The following SLC8A1 variants were observed in gnomAD, a reference collection of about 807,000 sequenced individuals.
The protein encoded by SLC8A1 is solute carrier family 8 member A1.
SLC8A1 carries 18 observed loss-of-function variants against 68.3 expected under a neutral mutation model. The ratio of observed to expected loss-of-function variants is 0.26; its 90% CI spans 0.18 to 0.39. SLC8A1 has a LOEUF of 0.39. Ranked by LOEUF, SLC8A1 falls within the 10% of genes least tolerant of loss-of-function variation. SLC8A1 has a pLI of 1.00. For synonymous variants in SLC8A1, 475 were observed against 415.5 expected (o/e 1.14, Z -1.74); for missense variants, 985 against 1,156.7 (o/e 0.85, Z 2.15).
intron 2 of SLC8A1, among the ~76,000 whole-genome samples, chr2:40,414,192 C>A (rs1426415175): frequency 6.6e-6 from 1 of 152,150 alleles, no homozygotes; most frequent in African/African-American, 2.4e-5. Flanking sequence ...GTATTATTTG[C>A]TGTCTCTCAT....
chr2:40,300,463 T>C (rs948857464), intron 2 of SLC8A1, among the ~76,000 whole-genome samples: 2 of 152,198 alleles, frequency 1.3e-5, no homozygotes, highest in African/African-American at 4.8e-5. Flanking sequence ...AAAGACATTC[T>C]ACATTTCTTA....
Position 40,418,936 on chromosome 2 carries a change from A to G in SLC8A1, c.1808+9537T>C, listed in dbSNP as rs145479467. Among the ~76,000 whole-genome samples the G allele has an allele frequency of 2.0e-3, 303 of 152,312 alleles. 2 individuals carry two copies. The highest frequency in any genetic ancestry group is 6.8e-3 in the African/African-American group (283 of 41,580). The stretch of plus-strand genomic sequence containing the variant: ...CAACACTGACAGCTCATCATCATTT[A>G]TTCTCAGCCTAAACACCAGTGGCAA... On this transcript the variant is annotated intron_variant, in intron 2 of 7. Coordinates refer to ENST00000406785, the Ensembl canonical transcript of SLC8A1.
intron 2 of SLC8A1, among the ~76,000 whole-genome samples, chr2:40,187,836 G>A (rs2050979616): frequency 6.6e-6 from 1 of 152,164 alleles, no homozygotes; most frequent in Non-Finnish European, 1.5e-5. Flanking sequence ...AGGTTTCAGA[G>A]AAGATCAGGT....
intron 2 of SLC8A1, among the ~76,000 whole-genome samples, chr2:40,237,726 C>G (rs1421246805): frequency 1.3e-5 from 2 of 151,974 alleles, no homozygotes; most frequent in African/African-American, 4.8e-5. Flanking sequence ...TTTTCCCCAT[C>G]TTTGTGGTTT....
intron 2 of SLC8A1, among the ~76,000 whole-genome samples, chr2:40,223,416 G>C (rs2058592513): frequency 6.6e-6 from 1 of 152,088 alleles, no homozygotes; most frequent in African/African-American, 2.4e-5. Context: ...ACCTAATGCA[G>C]ATGACGGGTT....
At chr2:40,217,532 C>G (rs1181844650) in intron 2 of SLC8A1, among the ~76,000 whole-genome samples, 1 of 152,082 alleles carries the variant, frequency 6.6e-6, no homozygotes, top group Non-Finnish European at 1.5e-5. Flanking sequence ...GGTTTTCTTT[C>G]TGTTGTTGTT....
At chr2:40,420,613 C>T (rs917841706) in intron 2 of SLC8A1, among the ~76,000 whole-genome samples, 1 of 152,170 alleles carries the variant, frequency 6.6e-6, no homozygotes, top group South Asian at 2.1e-4. Context: ...CATTCCCTTG[C>T]CTCTCAAACT....
At chr2:40,459,293 G>C (rs1322216511) in intron 1 of SLC8A1, among the ~76,000 whole-genome samples, 6 of 152,188 alleles carry the variant, frequency 3.9e-5, no homozygotes, top group Non-Finnish European at 8.8e-5. Flanking sequence ...GCAGAGACTT[G>C]AATTAAGATT....
intron 2 of SLC8A1, chr2:40,251,093 C>T (rs1438820036): frequency 6.6e-6 from 1 of 151,672 alleles, no homozygotes; most frequent in African/African-American, 2.4e-5. Flanking sequence ...TTTAAGAGCC[C>T]CTGAAAATAC....
chr2:40,381,328 G>A (rs1169723354), intron 2 of SLC8A1, among the ~76,000 whole-genome samples: 3 of 151,886 alleles, frequency 2.0e-5, no homozygotes, highest in Admixed American at 6.6e-5. Flanking sequence ...CCATTTCCCT[G>A]TCCTTCCACA....
intron 1 of SLC8A1, among the ~76,000 whole-genome samples, chr2:40,463,641 T>G (rs774032769): frequency 1.3e-5 from 2 of 152,152 alleles, no homozygotes; most frequent in Non-Finnish European, 2.9e-5. Flanking sequence ...TTGCTATCCC[T>G]TGTCTGGGGT....
chr2:40,180,220 T>A (rs1345037663), intron 2 of SLC8A1, among the ~76,000 whole-genome samples: 1 of 74,630 alleles, frequency 1.3e-5, no homozygotes, highest in Non-Finnish European at 3.3e-5. Flanking sequence ...AATTATTTTT[T>A]AAATTTGCAT....
chr2:40,352,993 C>A (rs1476465523), intron 2 of SLC8A1, among the ~76,000 whole-genome samples: 1 of 152,134 alleles, frequency 6.6e-6, no homozygotes, highest in South Asian at 2.1e-4. Flanking sequence ...AAGGTCCACA[C>A]CCCAGCCTTA....
intron 2 of SLC8A1, among the ~76,000 whole-genome samples, chr2:40,362,872 G>C (rs1341901945): frequency 6.6e-6 from 1 of 151,928 alleles, no homozygotes; most frequent in Non-Finnish European, 1.5e-5. Flanking sequence ...GGATTTCTTG[G>C]GAATGCTCAG....
In SLC8A1 at chr2:40,194,832, C is replaced by A. The variant is rs138042011; in HGVS notation, c.1809-16977G>T. Among the ~76,000 whole-genome samples the A allele has an allele frequency of 3.6e-3, 541 of 152,082 alleles. 1 individual carries two copies. Among genetic ancestry groups the A allele is most frequent in the Non-Finnish European group, 6.3e-3 (425 of 67,990 alleles). ...AGGCCAAGACTGGAACTCAACCCGC[C>A]CACTGGAGTAGTGCAGGTAGTAGGA... On this transcript the variant is annotated intron_variant, in intron 2 of 7. Transcript: ENST00000406785.
In SLC8A1 at chr2:40,434,284, G is replaced by A. The variant is rs139936731; in HGVS notation, c.-24-3980C>T. 1.4e-4 allele frequency among the ~76,000 whole-genome samples: 21 copies of A among 152,318 alleles called. No homozygotes were observed. In the East Asian group the frequency reaches 4.1e-3, roughly 29 times the overall value. On this transcript the variant is annotated intron_variant, in intron 1 of 7. Coordinates refer to ENST00000406785, the Ensembl canonical transcript of SLC8A1. Reference sequence around the variant, plus strand: ...TTATAATTTGTGAACAGTGGACACAGCACACTGATGTAGCTTATTGGCAAT... The same window carrying A: ...TTATAATTTGTGAACAGTGGACACAACACACTGATGTAGCTTATTGGCAAT...
upstream of SLC8A1, among the ~76,000 whole-genome samples, chr2:40,456,765 T>G (rs1703049432): frequency 6.6e-6 from 1 of 152,252 alleles, no homozygotes; most frequent in East Asian, 1.9e-4. Flanking sequence ...ATGATGTCAA[T>G]GTAAATTTTA....
At chr2:40,304,025 G>A (rs1286143559) in intron 2 of SLC8A1, among the ~76,000 whole-genome samples, 1 of 152,206 alleles carries the variant, frequency 6.6e-6, no homozygotes, top group Admixed American at 6.5e-5. Context: ...TAAGCTGGAG[G>A]TCAACATCTC....
intron 1 of SLC8A1, among the ~76,000 whole-genome samples, chr2:40,434,836 G>T (rs1363107162): frequency 6.6e-6 from 1 of 152,158 alleles, no homozygotes; most frequent in Non-Finnish European, 1.5e-5. Context: ...AAGATATCCA[G>T]CTGTGAGTAG....
Sources: gnomAD v4.1 joint callset for allele counts (sites outside exome capture counted in the v4.1 genomes callset) on GRCh38, gnomAD v4.1.1 for gene constraint, MANE v1.5 for transcripts, NCBI Gene and HGNC (gene_info 2026-07-23, HGNC 2026-07-21) for gene names.